NKAIN3: variants seen among roughly 807,000 people sequenced by gnomAD.
The protein encoded by NKAIN3 is sodium/potassium transporting ATPase interacting 3.
A neutral mutation model predicts 30.2 loss-of-function variants in NKAIN3; 25 were observed. The ratio of observed to expected loss-of-function variants is 0.83; its 90% CI spans 0.60 to 1.16. The LOEUF (loss-of-function observed/expected upper bound fraction) is 1.16, where lower values mean the gene tolerates loss of function less well. NKAIN3 is among the 50% of genes most tolerant of loss of function. The pLI, the probability that NKAIN3 is intolerant of heterozygous loss-of-function variation, is 0.00. For missense variants in NKAIN3, 225 were observed against 254.1 expected (o/e 0.89, Z 0.78); for synonymous variants, 91 against 89.6 (o/e 1.02, Z -0.09).
At chr8:62,405,098 CG>C (rs1365050351) in intron 1 of NKAIN3, among the ~76,000 whole-genome samples, 11 of 152,238 alleles carry the variant, frequency 7.2e-5, no homozygotes, top group Middle Eastern at 3.4e-3. Flanking sequence ...TGCCTGGTAC[CG>C]TATCCTACTG....
chr8:62,618,869 G>A (rs1413395468), intron 3 of NKAIN3, among the ~76,000 whole-genome samples: 1 of 151,944 alleles, frequency 6.6e-6, no homozygotes. Context: ...TCGCGCCACG[G>A]CACCCCAGCC....
intron 1 of NKAIN3, among the ~76,000 whole-genome samples, chr8:62,340,571 A>G (rs1173956713): frequency 6.6e-6 from 1 of 151,962 alleles, no homozygotes; most frequent in Non-Finnish European, 1.5e-5. Flanking sequence ...CAGCCTGCCA[A>G]AGCACTGTAC....
rs192039398 is a variant in NKAIN3 at position 62,948,823 on chromosome 8, C to G, written c.533-5079C>G. ...TGCCCAGTTCCAACCTCTCTTTCTT[C>G]ATCTAACGGTGTTAATTCACGTCTT... On this transcript the variant is annotated intron_variant, in intron 5 of 6. Transcript: ENST00000623646. Among the ~76,000 whole-genome samples the G allele has an allele frequency of 1.4e-4, 21 of 152,282 alleles. No individual in the cohort carries two copies. In the East Asian group the frequency reaches 4.1e-3, roughly 29 times the overall value.
intron 3 of NKAIN3, among the ~76,000 whole-genome samples, chr8:62,740,015 AT>A (rs1353586819): frequency 1.3e-5 from 2 of 152,164 alleles, no homozygotes; most frequent in Admixed American, 1.3e-4. Flanking sequence ...ATGTAGAAAA[AT>A]ATCATATAAT....
At chr8:62,350,283 C>G (rs1816139069) in intron 1 of NKAIN3, among the ~76,000 whole-genome samples, 1 of 152,080 alleles carries the variant, frequency 6.6e-6, no homozygotes, top group African/African-American at 2.4e-5. Context: ...TATTATCCAC[C>G]CTTAAAAAGG....
chr8:62,815,440 T>A (rs1196226249), intron 4 of NKAIN3, among the ~76,000 whole-genome samples: 1 of 152,102 alleles, frequency 6.6e-6, no homozygotes, highest in Non-Finnish European at 1.5e-5. Context: ...TAGACCAATA[T>A]CCTTGATGAA....
At chr8:62,731,234 GACACACACAC>G (rs67571816) in intron 3 of NKAIN3, among the ~76,000 whole-genome samples, 22 of 143,754 alleles carry the variant, frequency 1.5e-4, no homozygotes, top group African/African-American at 4.1e-4. Context: ...GGGATCACAG[GACACACACAC>G]ACACACACAC....
chr8:62,369,217 C>T (rs1049929802), intron 1 of NKAIN3, among the ~76,000 whole-genome samples: 7 of 151,806 alleles, frequency 4.6e-5, no homozygotes, highest in Middle Eastern at 3.4e-3. Flanking sequence ...AAAGTTTTTT[C>T]TGTTGTTTTT....
At chr8:62,533,738 G>A (rs1808559287) in intron 1 of NKAIN3, among the ~76,000 whole-genome samples, 1 of 152,076 alleles carries the variant, frequency 6.6e-6, no homozygotes, top group Admixed American at 6.5e-5. Context: ...GTATAAATTG[G>A]TCGTTTGTGT....
chr8:62,422,950 C>T (rs2129596896), intron 1 of NKAIN3, among the ~76,000 whole-genome samples: 1 of 152,202 alleles, frequency 6.6e-6, no homozygotes, highest in South Asian at 2.1e-4. Flanking sequence ...GTCACTTATG[C>T]AAAGTGCATT....
rs150302981 is a variant in NKAIN3 at position 62,401,588 on chromosome 8, G to T, written c.54+152461G>T. On this transcript the variant is annotated intron_variant, in intron 1 of 6. Transcript: ENST00000623646. Reference sequence around the variant, plus strand: ...TGGGAAGGCTCTCCAGGTATCCAAAGGGACCTGGGTGTTTTTATCTAAGTT... The same window carrying T: ...TGGGAAGGCTCTCCAGGTATCCAAATGGACCTGGGTGTTTTTATCTAAGTT... Among the ~76,000 whole-genome samples, 170 of 152,210 alleles carry T rather than the reference G, an allele frequency of 1.1e-3. 1 individual carries two copies. Among genetic ancestry groups the T allele is most frequent in the African/African-American group, 4.0e-3 (165 of 41,538 alleles).
intron 4 of NKAIN3, among the ~76,000 whole-genome samples, chr8:62,895,704 T>C (rs1821409978): frequency 6.6e-6 from 1 of 152,120 alleles, no homozygotes; most frequent in Non-Finnish European, 1.5e-5. Flanking sequence ...AGCTGTAAAC[T>C]TACTAATCTA....
intron 1 of NKAIN3, among the ~76,000 whole-genome samples, chr8:62,360,370 C>A (rs138760181): frequency 2.6e-5 from 4 of 152,250 alleles, no homozygotes; most frequent in African/African-American, 9.6e-5. Flanking sequence ...TTCATAACAG[C>A]TTTTGAAGGC....
At chr8:62,303,916 T>G (rs1376916891) in intron 1 of NKAIN3, among the ~76,000 whole-genome samples, 1 of 150,612 alleles carries the variant, frequency 6.6e-6, no homozygotes, top group Non-Finnish European at 1.5e-5. Flanking sequence ...TAAGGAAGTA[T>G]TTGATAATCT....
At chr8:62,303,598 G>A (rs1410285343) in intron 1 of NKAIN3, among the ~76,000 whole-genome samples, 4 of 150,430 alleles carry the variant, frequency 2.7e-5, no homozygotes, top group Non-Finnish European at 4.4e-5. Flanking sequence ...AGCATTGACA[G>A]ACAATCCACT....
rs1028688111 is a variant in NKAIN3, at chr8:62,968,761, C to A, written c.*3354C>A. Among the ~76,000 whole-genome samples, 1 of 152,186 alleles carries A rather than the reference C, an allele frequency of 6.6e-6. No individual in the cohort carries two copies. Among genetic ancestry groups the A allele is most frequent in the Non-Finnish European group, 1.5e-5 (1 of 68,040 alleles). ...TGCCTTCTATCTTGTGTGAATGATG[C>A]ATCCTTTCTTAAGCGTCTTCTGCTG... On this transcript the variant is annotated 3_prime_UTR_variant, in exon 7 of 7. Transcript: ENST00000623646.
chr8:62,763,428 A>G (rs1342585785), intron 4 of NKAIN3, among the ~76,000 whole-genome samples: 2 of 152,086 alleles, frequency 1.3e-5, no homozygotes, highest in South Asian at 2.1e-4. Flanking sequence ...TAAAACTGCT[A>G]ACAAGAAAGC....
intron 1 of NKAIN3, among the ~76,000 whole-genome samples, chr8:62,329,425 C>T (rs1423729028): frequency 6.6e-6 from 1 of 152,080 alleles, no homozygotes; most frequent in Admixed American, 6.6e-5. Flanking sequence ...GTGTGGGGTA[C>T]CAATGATCCC....
At chr8:62,417,310 T>G (rs1286746811) in intron 1 of NKAIN3, among the ~76,000 whole-genome samples, 1 of 152,132 alleles carries the variant, frequency 6.6e-6, no homozygotes, top group African/African-American at 2.4e-5. Flanking sequence ...ATTTCATTCT[T>G]TTTTTAGGGA....
Sources: gnomAD v4.1 joint callset for allele counts (sites outside exome capture counted in the v4.1 genomes callset) on GRCh38, gnomAD v4.1.1 for gene constraint, MANE v1.5 for transcripts, NCBI Gene and HGNC (gene_info 2026-07-23, HGNC 2026-07-21) for gene names.